Variants in COG5 observed in about 807,000 individuals in gnomAD.
COG5 encodes conserved oligomeric Golgi complex subunit 5.
A neutral mutation model predicts 110.4 loss-of-function variants in COG5; 86 were observed. That is an observed-to-expected ratio of 0.78 (90% CI 0.65 to 0.93). The LOEUF is 0.93. Ranked by LOEUF, COG5 falls within the 40% of genes least tolerant of loss-of-function variation. COG5 has a pLI of 0.00. For synonymous variants in COG5, 360 were observed against 334.6 expected, an observed-to-expected ratio of 1.08 and a Z score of -0.83; for missense variants, 1,077 against 987.0, an observed-to-expected ratio of 1.09 and a Z score of -1.22.
chr7:107,379,598 CAAAAAA>C (rs200972977), intron 7 of COG5, among the ~76,000 whole-genome samples: 1 of 73,126 alleles, frequency 1.4e-5, no homozygotes, highest in East Asian at 3.4e-4. Flanking sequence ...AAATGGAAAG[CAAAAAA>C]AAAAAAAAAA....
At chr7:107,232,526 G>A (rs1800850411) in intron 18 of COG5, among the ~76,000 whole-genome samples, 1 of 152,126 alleles carries the variant, frequency 6.6e-6, no homozygotes, top group South Asian at 2.1e-4. Flanking sequence ...TAGCACTTGA[G>A]CAGGACCAAA....
chr7:107,337,860 C>T (rs1169832241), intron 10 of COG5, among the ~76,000 whole-genome samples: 2 of 152,106 alleles, frequency 1.3e-5, no homozygotes, highest in Non-Finnish European at 2.9e-5. Context: ...AATACCCTAA[C>T]TTGATCATTA....
At chr7:107,401,047 T>C (rs1265964936) in intron 7 of COG5, among the ~76,000 whole-genome samples, 1 of 152,080 alleles carries the variant, frequency 6.6e-6, no homozygotes, top group East Asian at 1.9e-4. Context: ...ATACAGCAAA[T>C]AGTTTAGGCT....
rs997208911 is a variant in COG5, at chr7:107,351,423, C to T, written c.1026+10610G>A. Among the ~76,000 whole-genome samples the T allele has an allele frequency of 3.3e-5, 5 of 152,072 alleles. 1 individual carries two copies. The highest frequency in any genetic ancestry group is 2.6e-4 in the Admixed American group (4 of 15,260). The stretch of plus-strand genomic sequence containing the variant: ...GGCAAGGACTTCATGTCTAAAACAC[C>T]AAAAGCGATGGCAACAAAAGCCAAA... On this transcript the variant is annotated intron_variant, in intron 10 of 21. Coordinates refer to ENST00000297135, the MANE Select transcript of COG5 (RefSeq NM_006348.5).
At chr7:107,279,391 T>G (rs189007671) in intron 14 of COG5, among the ~76,000 whole-genome samples, 24 of 152,310 alleles carry the variant, frequency 1.6e-4, no homozygotes, top group Non-Finnish European at 1.5e-5. Flanking sequence ...AAATCTCAAG[T>G]CAATACTTCC....
At chr7:107,434,707 A>T (rs1397828401) in intron 6 of COG5, among the ~76,000 whole-genome samples, 1 of 152,236 alleles carries the variant, frequency 6.6e-6, no homozygotes, top group Non-Finnish European at 1.5e-5. Context: ...GCGGTGGCTC[A>T]CGCCTGTAAT....
chr7:107,530,912 A>T (rs1227444170), intron 5 of COG5, among the ~76,000 whole-genome samples: 1 of 152,166 alleles, frequency 6.6e-6, no homozygotes, highest in Admixed American at 6.6e-5. Flanking sequence ...AAAGGAACTT[A>T]GAAGCAACAC....
At chr7:107,259,601 A>T (rs773225504) in intron 14 of COG5, among the ~76,000 whole-genome samples, 1 of 152,108 alleles carries the variant, frequency 6.6e-6, no homozygotes, top group Non-Finnish European at 1.5e-5. Flanking sequence ...GGGGGGGTCA[A>T]ATGCTAAACA....
At chr7:107,274,912 A>T (rs895049824) in intron 14 of COG5, among the ~76,000 whole-genome samples, 1 of 152,012 alleles carries the variant, frequency 6.6e-6, no homozygotes, top group African/African-American at 2.4e-5. Context: ...GCCCCCAGAA[A>T]ATCAAGCTCT....
chr7:107,215,641 G>A (rs1233425022), intron 19 of COG5, among the ~76,000 whole-genome samples: 1 of 152,026 alleles, frequency 6.6e-6, no homozygotes. Flanking sequence ...TTACAGCCTG[G>A]GTGACAGAGT....
chr7:107,521,204 T>C (rs980292718), intron 6 of COG5, among the ~76,000 whole-genome samples: 3 of 152,114 alleles, frequency 2.0e-5, no homozygotes, highest in Non-Finnish European at 4.4e-5. Context: ...GATGAAAACA[T>C]AGACAAGACC....
At chr7:107,303,434 TTTTTG>T (rs1332720612) in intron 11 of COG5, among the ~76,000 whole-genome samples, 1 of 152,032 alleles carries the variant, frequency 6.6e-6, no homozygotes, top group African/African-American at 2.4e-5. Flanking sequence ...GTTTGTTTGT[TTTTTG>T]TTTTTAGAGA....
rs1457305969 is a variant in COG5 at position 107,203,590 on chromosome 7, C to G, written c.2416G>C (p.Glu806Gln). 2.5e-6 allele frequency: 4 copies of G among 1,613,962 alleles called. No homozygotes were observed. Among genetic ancestry groups the G allele is most frequent in the South Asian group, 1.1e-5 (1 of 91,092 alleles). Reference protein sequence around the residue: ...EAYVQSVRSREGKEFAPVYPI... With the variant: ...EAYVQSVRSRQGKEFAPVYPI... ...TAAACTGGTGCAAATTCTTTGCCTT[C>G]TCTACTTCTCACTGATTGAACATAA... Residue 806 changes from glutamate to glutamine, a missense_variant, in exon 22 of 22, where the codon GAA becomes CAA. Physicochemically the swap from Glu to Gln is conservative, Grantham distance 29 (BLOSUM62 2). Transcript: ENST00000297135.
rs553725333 is a variant in COG5, at chr7:107,311,543, G to A, written c.1108+12897C>T. Among the ~76,000 whole-genome samples, 87 of 149,932 alleles carry A rather than the reference G, an allele frequency of 5.8e-4. 1 individual carries two copies. The highest frequency in any genetic ancestry group is 1.9e-3 in the African/African-American group (77 of 41,052). On this transcript the variant is annotated intron_variant, in intron 11 of 21. Transcript: ENST00000297135. Reference sequence around the variant, plus strand: ...CGAGTAGCTGGGACTACAGGCGCCCGCCACCGCGCCCGGCTAATTTTTTGT... The same window carrying A: ...CGAGTAGCTGGGACTACAGGCGCCCACCACCGCGCCCGGCTAATTTTTTGT...
chr7:107,321,937 G>C (rs1238810659), intron 11 of COG5, among the ~76,000 whole-genome samples: 1 of 152,134 alleles, frequency 6.6e-6, no homozygotes, highest in African/African-American at 2.4e-5. Context: ...CCACATTCTA[G>C]GGGAAAATAT....
At chr7:107,527,178 T>C (rs953254764) in intron 6 of COG5, 59 bp downstream of exon 6, 6 of 1,446,556 alleles carry the variant, frequency 4.1e-6, no homozygotes, top group Non-Finnish European at 5.6e-6. Context: ...ACCAATCAAG[T>C]GACTTAAAAA....
chr7:107,367,101 T>C (rs1442046521), intron 8 of COG5, among the ~76,000 whole-genome samples: 19 of 151,850 alleles, frequency 1.3e-4, no homozygotes, highest in Non-Finnish European at 1.5e-5. Flanking sequence ...TTTTGTCTCA[T>C]TTTCCAATTC....
intron 7 of COG5, among the ~76,000 whole-genome samples, chr7:107,397,506 T>C (rs1791102467): frequency 6.6e-6 from 1 of 151,816 alleles, no homozygotes. Flanking sequence ...AAAGACAATA[T>C]ATAAAAAAAT....
intron 6 of COG5, among the ~76,000 whole-genome samples, chr7:107,453,049 A>G (rs542832407): frequency 6.6e-6 from 1 of 152,320 alleles, no homozygotes; most frequent in Non-Finnish European, 1.5e-5. Flanking sequence ...ATCTTTTACT[A>G]AACTACAAAT....
Sources: gnomAD v4.1 joint callset for allele counts (sites outside exome capture counted in the v4.1 genomes callset) on GRCh38, gnomAD v4.1.1 for gene constraint, MANE v1.5 for transcripts, NCBI Gene and HGNC (gene_info 2026-07-23, HGNC 2026-07-21) for gene names.